Variants in ZER1 observed in about 807,000 individuals in gnomAD.
ZER1 encodes the protein protein zer-1 homolog.
Under a neutral mutation model 78.8 loss-of-function variants are expected in ZER1, and 11 were observed. The observed-to-expected ratio is 0.14, with a 90% CI of 0.09 to 0.23. The LOEUF (loss-of-function observed/expected upper bound fraction) is 0.23. Ranked by LOEUF, ZER1 falls within the 10% of genes least tolerant of loss-of-function variation. ZER1 has a pLI of 1.00. For missense variants in ZER1, 588 were observed against 996.9 expected (o/e 0.59, Z 5.52); for synonymous variants, 400 against 407.0 (o/e 0.98, Z 0.21).
intron 5 of ZER1, 52 bp downstream of exon 5, chr9:128,752,621 A>G (rs1863716753): frequency 6.4e-7 from 1 of 1,553,964 alleles, no homozygotes; most frequent in Non-Finnish European, 8.7e-7. Flanking sequence ...GCGCCAGCCT[A>G]AATGCCTGTT....
At chr9:128,734,936 A>G (rs1863011958) in intron 14 of ZER1, among the ~76,000 whole-genome samples, 1 of 151,844 alleles carries the variant, frequency 6.6e-6, no homozygotes, top group Non-Finnish European at 1.5e-5. Flanking sequence ...CCGGAGTGCA[A>G]TGGCTATTCA....
Position 128,742,578 on chromosome 9 carries a change from C to G in ZER1, c.1527G>C (p.Gln509His). 1 of 1,614,238 alleles carries G rather than the reference C, an allele frequency of 6.2e-7. No individual in the cohort carries two copies. The highest frequency in any genetic ancestry group is 8.5e-7 in the Non-Finnish European group (1 of 1,180,048). Residue 509 changes from glutamine to histidine, a missense_variant, in exon 9 of 16, where the codon CAG (glutamine) becomes CAC (histidine). Transcript: ENST00000291900. ...CGGCCTCCTTGTGGTCGTTGTCTAC[C>G]TGGCAGACCAGGGCATTGCACAGGT... ...AVHLCNALVC[Q>H]VDNDHKEAVG...
Position 128,751,493 on chromosome 9 carries a change from G to A in ZER1, c.958C>T (p.Arg320Trp). 6.2e-7 allele frequency: 1 copy of A among 1,613,972 alleles called. No homozygotes were observed. Among genetic ancestry groups the A allele is most frequent in the African/African-American group, 1.3e-5 (1 of 75,044 alleles). The change falls in exon 6 of 16, where the codon CGG becomes TGG. Residue 320 changes from arginine to tryptophan, a missense_variant. This residue lies in a region of ZER1 where 406 missense variants were observed against 660.1 expected (regional missense o/e 0.62). Transcript: ENST00000291900. This position sits in a 1 kb window ranked among gnomAD's most constrained non-coding sequence, Gnocchi z 5.4. Reference sequence around the variant, plus strand: ...AACTGCAGCGGCCTCTTCAGAGCCCGGAAAGGTATGATGCTGCTCTTGGAA... The same window carrying A: ...AACTGCAGCGGCCTCTTCAGAGCCCAGAAAGGTATGATGCTGCTCTTGGAA... ...EPSKSSIIPF[R>W]ALKRPLQFLG... is the part of the protein sequence containing the mutation.
At chr9:128,768,136 A>T (rs560234811) in intron 1 of ZER1, among the ~76,000 whole-genome samples, 57 of 152,338 alleles carry the variant, frequency 3.7e-4, no homozygotes, top group African/African-American at 1.3e-3. Context: ...TGCATCTCTG[A>T]AGCTGGAAAA....
At chr9:128,741,930 G>A (rs928892745) in intron 9 of ZER1, 89 bp from the exon 10 acceptor site, 27 of 1,539,510 alleles carry the variant, frequency 1.8e-5, no homozygotes, top group South Asian at 2.2e-5. Flanking sequence ...GCTCAGCAAC[G>A]CCATGGCTAG....
intron 8 of ZER1, among the ~76,000 whole-genome samples, chr9:128,744,130 C>T (rs950001171): frequency 6.6e-6 from 1 of 151,976 alleles, no homozygotes; most frequent in African/African-American, 2.4e-5. Flanking sequence ...AACTTCTGAC[C>T]TCGTGATCCA....
Position 128,730,395 on chromosome 9 carries a change from T to C in ZER1, c.*942A>G, listed in dbSNP as rs1862774042. The C allele has an allele frequency of 6.5e-6, 1 of 154,390 alleles. No individual in the cohort carries two copies. The highest frequency in any genetic ancestry group is 2.4e-5 in the African/African-American group (1 of 41,502). 9.6% of individuals were successfully genotyped at this position (154,390 alleles called of 1,614,324 possible). A position where few individuals can be genotyped will look rare whatever the true frequency, so the allele number is the denominator to read the frequency against. ...TGCCTCTGAGAGGCGTGGGGTCCTC[T>C]GGGCAGCGGGGCAGGCTGGGAGGAG... On this transcript the variant is annotated 3_prime_UTR_variant, in exon 16 of 16. Coordinates refer to ENST00000291900, the MANE Select transcript of ZER1 (RefSeq NM_006336.4).
chr9:128,757,686 C>T (rs143730637), intron 1 of ZER1, among the ~76,000 whole-genome samples: 201 of 152,232 alleles, frequency 1.3e-3, no homozygotes, highest in African/African-American at 4.5e-3. Context: ...CTCAACTGAA[C>T]GCAACTGCAG....
In ZER1 at chr9:128,751,016, G is replaced by A. The variant is rs1346359613; in HGVS notation, c.1185+106C>T. ...TGGGGTTCGGGTCCTGGGGCCCTGG[G>A]GACAGGGTGCAGAAGGACACAGGCT... is the stretch of plus-strand genomic sequence containing the variant. On this transcript the variant is annotated intron_variant, in intron 7 of 15. Coordinates refer to ENST00000291900, the MANE Select transcript of ZER1 (RefSeq NM_006336.4). This position sits in a 1 kb window ranked among gnomAD's most constrained non-coding sequence, Gnocchi z 5.4. 4.8e-6 allele frequency: 7 copies of A among 1,470,614 alleles called. No homozygotes were observed. The Admixed American group carries it at 7.3e-5, about 15-fold the overall frequency. The allele number at this position is 1,470,614 out of a possible 1,614,324, so 91.1% of individuals were successfully genotyped here.
rs921466632 is a variant in ZER1, at chr9:128,755,197, C to CCA, written c.158+209_158+210dup. 2.6e-5 allele frequency among the ~76,000 whole-genome samples: 4 copies of CCA among 152,034 alleles called. No individual in the cohort carries two copies. Among genetic ancestry groups the CCA allele is most frequent in the Admixed American group, 6.6e-5 (1 of 15,254 alleles). On this transcript the variant is annotated intron_variant, in intron 2 of 15. Coordinates refer to ENST00000291900, the MANE Select transcript of ZER1 (RefSeq NM_006336.4). The surrounding 1 kb of genome is among the most constrained non-coding windows in gnomAD (Gnocchi z 5.6). ...CCCATGCCTTCACGTGCACACCCCT[C>CCA]CACACACACACCAACACACACACAT... is the stretch of plus-strand genomic sequence containing the variant.
chr9:128,739,757 G>C lies in ZER1; in HGVS notation c.2042+174C>G, dbSNP rs368440024. Among the ~76,000 whole-genome samples, 16 of 152,212 alleles carry C rather than the reference G, an allele frequency of 1.1e-4. No homozygotes were observed. In the East Asian group the frequency reaches 2.1e-3, roughly 20 times the overall value. On this transcript the variant is annotated intron_variant, in intron 13 of 15. Coordinates refer to ENST00000291900, the MANE Select transcript of ZER1 (RefSeq NM_006336.4). The stretch of plus-strand genomic sequence containing the variant: ...CTCCAGGCTGCACGGATGAGATCGT[G>C]CCCTTATGTATGCTCTGTGCTGTGT...
chr9:128,762,906 C>T lies in ZER1; in HGVS notation c.-94-7247G>A, dbSNP rs149594332. Among the ~76,000 whole-genome samples, 313 of 152,336 alleles carry T rather than the reference C, an allele frequency of 2.1e-3. 1 individual carries two copies. The highest frequency in any genetic ancestry group is 6.5e-3 in the African/African-American group (271 of 41,588). On this transcript the variant is annotated intron_variant, in intron 1 of 15. Transcript: ENST00000291900. ...TGGGAAACTGGAACCAGAGGGAGCA[C>T]TGCTGGCAGAGAGTCCCCACTCTTG...
At chr9:128,733,159 A>C (rs1862894998) in intron 15 of ZER1, 1 of 424,746 alleles carries the variant, frequency 2.4e-6, no homozygotes, top group Non-Finnish European at 4.4e-6. Context: ...AAAAGGATGG[A>C]ATTTGTTGGG....
intron 8 of ZER1, among the ~76,000 whole-genome samples, chr9:128,746,557 AGGCTCAAGCAATCATCCCACCTC>A (rs2132428103): frequency 6.7e-6 from 1 of 148,732 alleles, no homozygotes; most frequent in South Asian, 2.1e-4. Context: ...TCCACTTCCC[AGGCTCAAGCAATCATCCCACCTC>A]GGCCTCCGAG....
chr9:128,754,049 TTGGATCA>T lies in ZER1; in HGVS notation c.159-97_159-91del. The T allele has an allele frequency of 6.7e-7, 1 of 1,482,624 alleles. No homozygotes were observed. Among genetic ancestry groups the T allele is most frequent in the Non-Finnish European group, 9.1e-7 (1 of 1,102,178 alleles). The allele number at this position is 1,482,624 out of a possible 1,614,324, so 91.8% of individuals were successfully genotyped here. A position where few individuals can be genotyped will look rare whatever the true frequency, so the allele number is the denominator to read the frequency against. On this transcript the variant is annotated intron_variant, in intron 2 of 15. Coordinates refer to ENST00000291900, the MANE Select transcript of ZER1 (RefSeq NM_006336.4). The surrounding 1 kb of genome is among the most constrained non-coding windows in gnomAD (Gnocchi z 4.3). ...AAGCCCTCCTCCCCCTGAAGCTTTC[TTGGATCA>T]CCCCAAGTAGCAACCTCCTTCTCCT...
intron 13 of ZER1, among the ~76,000 whole-genome samples, chr9:128,739,598 G>A (rs538428779): frequency 6.6e-6 from 1 of 151,972 alleles, no homozygotes; most frequent in African/African-American, 2.4e-5. Context: ...AAGAGCTACT[G>A]TGCCCGGCCC....
chr9:128,763,860 G>A (rs577102000), intron 1 of ZER1, among the ~76,000 whole-genome samples: 18 of 152,224 alleles, frequency 1.2e-4, no homozygotes, highest in African/African-American at 3.4e-4. Flanking sequence ...GGTGGCGCAC[G>A]CCTGTAATCC....
At chr9:128,741,415 G>T in intron 11 of ZER1, 120 bp downstream of exon 11, 1 of 1,455,012 alleles carries the variant, frequency 6.9e-7, no homozygotes, top group South Asian at 1.2e-5. Context: ...TGTCCCCACT[G>T]CCCTTCTCCA....
rs751557556 is a variant in ZER1, at chr9:128,753,211, G to T, written c.699C>A (p.Asp233Glu). Residue 233 changes from aspartate to glutamate, a missense_variant, in exon 4 of 16, where the codon GAC (aspartate) becomes GAA (glutamate). Asp to Glu is a conservative substitution (Grantham distance 45). Transcript: ENST00000291900. The surrounding 1 kb of genome is among the most constrained non-coding windows in gnomAD (Gnocchi z 7.5). ...SLVSLVLYNMDLSDDHIRVIV... is the reference protein window; with the variant it reads ...SLVSLVLYNMELSDDHIRVIV... ...TGACCCGGATGTGGTCGTCGGACAGGTCCATGTTGTAGAGGACGAGGGACA... is the reference window on the plus strand; with the variant it reads ...TGACCCGGATGTGGTCGTCGGACAGTTCCATGTTGTAGAGGACGAGGGACA... 6.3e-7 allele frequency: 1 copy of T among 1,580,772 alleles called. No individual in the cohort carries two copies. Among genetic ancestry groups the T allele is most frequent in the South Asian group, 1.2e-5 (1 of 86,790 alleles).
Sources: gnomAD v4.1 joint callset for allele counts (sites outside exome capture counted in the v4.1 genomes callset) on GRCh38, gnomAD v4.1.1 for gene constraint, gnomAD v4.1.1 regional missense constraint, Gnocchi (gnomAD v3.1) non-coding constraint, MANE v1.5 for transcripts, NCBI Gene and HGNC (gene_info 2026-07-23, HGNC 2026-07-21) for gene names.